The following CPPED1 variants were observed in gnomAD, a reference collection of about 807,000 sequenced individuals.
The protein encoded by CPPED1 is calcineurin like phosphoesterase domain containing 1.
CPPED1 carries 28 observed loss-of-function variants against 28.0 expected under a neutral mutation model. That is an observed-to-expected ratio of 1.00 (90% CI 0.74 to 1.37). CPPED1 has a LOEUF of 1.37. CPPED1 is among the 40% of genes most tolerant of loss of function. CPPED1 has a pLI of 0.00. For missense variants in CPPED1, 504 were observed against 416.5 expected (o/e 1.21, Z -1.83); for synonymous variants, 198 against 180.2 (o/e 1.10, Z -0.79).
At chr16:12,775,837 G>A (rs987336843) in intron 2 of CPPED1, among the ~76,000 whole-genome samples, 3 of 152,166 alleles carry the variant, frequency 2.0e-5, no homozygotes, top group African/African-American at 7.2e-5. Flanking sequence ...CAATTAAAAT[G>A]GAAATAGCAA....
chr16:12,677,404 C>T (rs1243673505), intron 3 of CPPED1, among the ~76,000 whole-genome samples: 3 of 152,178 alleles, frequency 2.0e-5, no homozygotes, highest in African/African-American at 4.8e-5. Context: ...TTTGGGAGGC[C>T]GAGGCGTGCA....
chr16:12,748,882 C>CA (rs35776807), intron 2 of CPPED1, among the ~76,000 whole-genome samples: 93,854 of 134,806 alleles, frequency 0.7, 32,236 homozygotes, highest in Admixed American at 0.8. Flanking sequence ...GACTCCATCT[C>CA]AAAAAAAAAA....
chr16:12,732,143 C>G (rs867391604), intron 2 of CPPED1, among the ~76,000 whole-genome samples: 1 of 147,402 alleles, frequency 6.8e-6, no homozygotes, highest in Admixed American at 6.8e-5. Context: ...ACGTGAAACC[C>G]GTCAAAAAAA....
chr16:12,713,862 G>C (rs1214453342), intron 2 of CPPED1, among the ~76,000 whole-genome samples: 6 of 152,062 alleles, frequency 3.9e-5, no homozygotes, highest in Non-Finnish European at 8.8e-5. Flanking sequence ...GTTGTGGACT[G>C]TCATGAAAAT....
intron 3 of CPPED1, among the ~76,000 whole-genome samples, chr16:12,673,687 G>A (rs1457306261): frequency 6.6e-6 from 1 of 152,110 alleles, no homozygotes; most frequent in East Asian, 1.9e-4. Context: ...GTTAACGTCC[G>A]AAGTCACAGA....
chr16:12,706,768 G>C (rs2080053445), intron 2 of CPPED1, among the ~76,000 whole-genome samples: 1 of 152,072 alleles, frequency 6.6e-6, no homozygotes, highest in African/African-American at 2.4e-5. Flanking sequence ...CCTGGAGCAG[G>C]CACGACCTGC....
At chr16:12,680,111 T>C (rs2079897308) in intron 3 of CPPED1, among the ~76,000 whole-genome samples, 1 of 152,118 alleles carries the variant, frequency 6.6e-6, no homozygotes, top group Non-Finnish European at 1.5e-5. Context: ...CCATTCAGTT[T>C]CCTAAAAAAA....
intron 2 of CPPED1, among the ~76,000 whole-genome samples, chr16:12,750,481 C>T (rs1567295355): frequency 1.3e-5 from 2 of 152,176 alleles, no homozygotes; most frequent in Non-Finnish European, 2.9e-5. Flanking sequence ...GAAATGGCCA[C>T]TCAGTGGAGC....
chr16:12,767,793 A>G (rs1176759423), intron 2 of CPPED1, among the ~76,000 whole-genome samples: 1 of 152,140 alleles, frequency 6.6e-6, no homozygotes, highest in African/African-American at 2.4e-5. Context: ...CTCCATCTCT[A>G]CTAAAATATA....
rs758276081 is a variant in CPPED1, at chr16:12,803,784, G to C, written c.-8C>G. 4.1e-5 allele frequency: 66 copies of C among 1,598,158 alleles called. No individual in the cohort carries two copies. Among genetic ancestry groups the C allele is most frequent in the Non-Finnish European group, 4.2e-5 (49 of 1,173,428 alleles). On this transcript the variant is annotated 5_prime_UTR_variant, in exon 1 of 4. Coordinates refer to ENST00000381774, the MANE Select transcript of CPPED1 (RefSeq NM_018340.3). ...CGCCTCTGCAGCCGACATGGCGAGCGAGTTTCTGGCCTTCACTTAGAACAC... is the reference window on the plus strand; with the variant it reads ...CGCCTCTGCAGCCGACATGGCGAGCCAGTTTCTGGCCTTCACTTAGAACAC...
chr16:12,791,960 T>A (rs1485551879), intron 1 of CPPED1, among the ~76,000 whole-genome samples: 1 of 151,970 alleles, frequency 6.6e-6, no homozygotes, highest in East Asian at 1.9e-4. Flanking sequence ...CGGTATCTTT[T>A]TTTTTTTTTG....
chr16:12,696,238 G>C (rs1190465244), intron 3 of CPPED1, among the ~76,000 whole-genome samples: 2 of 152,050 alleles, frequency 1.3e-5, no homozygotes, highest in Non-Finnish European at 2.9e-5. Context: ...CCCAAACCAG[G>C]TCCGCCTGTC....
rs997405451 is a variant in CPPED1 at position 12,736,084 on chromosome 16, TG to T, written c.290-31036del. Among the ~76,000 whole-genome samples the T allele has an allele frequency of 3.3e-5, 5 of 152,286 alleles. 1 individual carries two copies. The highest frequency in any genetic ancestry group is 1.2e-4 in the African/African-American group (5 of 41,558). ...TGCCTGGCACTTCTGTATTCTGTTC[TG>T]ACTTTGTAAGGGTGAGCAGGGCATG... On this transcript the variant is annotated intron_variant, in intron 2 of 3. Coordinates refer to ENST00000381774, the MANE Select transcript of CPPED1 (RefSeq NM_018340.3).
At chr16:12,777,632 G>A (rs572737495) in intron 2 of CPPED1, among the ~76,000 whole-genome samples, 1 of 152,248 alleles carries the variant, frequency 6.6e-6, no homozygotes, top group East Asian at 1.9e-4. Flanking sequence ...AAACAAAGAA[G>A]CCTGTATCTC....
At chr16:12,769,687 CA>C (rs2080458963) in intron 2 of CPPED1, among the ~76,000 whole-genome samples, 1 of 152,188 alleles carries the variant, frequency 6.6e-6, no homozygotes, top group Non-Finnish European at 1.5e-5. Flanking sequence ...GTGCAGGAGC[CA>C]GGGGGCTTGG....
chr16:12,684,131 C>T (rs1272603287), intron 3 of CPPED1, among the ~76,000 whole-genome samples: 1 of 152,202 alleles, frequency 6.6e-6, no homozygotes, highest in Non-Finnish European at 1.5e-5. Flanking sequence ...TTTCAGCCTG[C>T]CATGCTAGTG....
chr16:12,775,214 T>A (rs2080490873), intron 2 of CPPED1, among the ~76,000 whole-genome samples: 1 of 151,688 alleles, frequency 6.6e-6, no homozygotes, highest in Non-Finnish European at 1.5e-5. Context: ...GCAGAGAGAG[T>A]CCCCACCAGC....
At chr16:12,776,178 C>T (rs756157521) in intron 2 of CPPED1, among the ~76,000 whole-genome samples, 8 of 151,980 alleles carry the variant, frequency 5.3e-5, no homozygotes, top group African/African-American at 1.4e-4. Context: ...AGAGGTCAGA[C>T]GGGAGAAAAG....
chr16:12,740,842 G>A (rs1436845592), intron 2 of CPPED1, among the ~76,000 whole-genome samples: 1 of 152,186 alleles, frequency 6.6e-6, no homozygotes, highest in Non-Finnish European at 1.5e-5. Flanking sequence ...CCCCTGGTCC[G>A]GGAGGGTGCT....
Sources: gnomAD v4.1 joint callset for allele counts (sites outside exome capture counted in the v4.1 genomes callset) on GRCh38, gnomAD v4.1.1 for gene constraint, MANE v1.5 for transcripts, NCBI Gene and HGNC (gene_info 2026-07-23, HGNC 2026-07-21) for gene names.